NSL1: variants seen among roughly 807,000 people sequenced by gnomAD.
The protein encoded by NSL1 is kinetochore-associated protein NSL1 homolog.
NSL1 carries 11 observed loss-of-function variants against 25.4 expected under a neutral mutation model. That is an observed-to-expected ratio of 0.43 (90% CI 0.27 to 0.72). The LOEUF (loss-of-function observed/expected upper bound fraction) is 0.72, where lower values mean the gene tolerates loss of function less well. Ranked by LOEUF, NSL1 falls within the 30% of genes least tolerant of loss-of-function variation. The pLI, the probability that NSL1 is intolerant of heterozygous loss-of-function variation, is 0.19. For missense variants in NSL1, 330 were observed against 342.7 expected, an observed-to-expected ratio of 0.96 and a Z score of 0.29; for synonymous variants, 118 against 120.6, an observed-to-expected ratio of 0.98 and a Z score of 0.14.
At chr1:212,758,771 A>G (rs1342244900) in intron 4 of NSL1, among the ~76,000 whole-genome samples, 3 of 152,240 alleles carry the variant, frequency 2.0e-5, no homozygotes, top group Non-Finnish European at 4.4e-5. Flanking sequence ...ACAGAAATTG[A>G]CTGACTGATC....
Position 212,738,603 on chromosome 1 carries a change from G to A in NSL1, c.651C>T (p.His217=), listed in dbSNP as rs538096053. Reference sequence around the variant, plus strand: ...TATGACAACTGGAAAAGACTTCTTGGTGAATCCTCTGGAGGTGGATAACAG... The same window carrying A: ...TATGACAACTGGAAAAGACTTCTTGATGAATCCTCTGGAGGTGGATAACAG... ...MQPVIHLQRI[H]QEVFSSCHRK... is the part of the protein sequence containing the mutation. Residue 217 remains histidine (H), a synonymous_variant, in exon 6 of 6, where the codon CAC becomes CAT. Transcript: ENST00000366977. 1 of 1,614,096 alleles carries A rather than the reference G, an allele frequency of 6.2e-7. No homozygotes were observed. The highest frequency in any genetic ancestry group is 1.7e-5 in the Admixed American group (1 of 60,018).
At chr1:212,772,395 C>T (rs1173345143) in intron 4 of NSL1, among the ~76,000 whole-genome samples, 1 of 152,144 alleles carries the variant, frequency 6.6e-6, no homozygotes, top group East Asian at 1.9e-4. Context: ...TACAGTGGCT[C>T]ACACCTGTAA....
At chr1:212,752,581 A>C (rs1659115059) in intron 4 of NSL1, among the ~76,000 whole-genome samples, 1 of 152,220 alleles carries the variant, frequency 6.6e-6, no homozygotes, top group African/African-American at 2.4e-5. Context: ...GCAATATGGA[A>C]GCAATTATTC....
chr1:212,767,456 C>A (rs1385285218), intron 4 of NSL1, among the ~76,000 whole-genome samples: 1 of 152,134 alleles, frequency 6.6e-6, no homozygotes, highest in African/African-American at 2.4e-5. Context: ...AGACCTGAAA[C>A]CATAAAAATT....
At chr1:212,780,228 A>T (rs1422181097) in intron 4 of NSL1, among the ~76,000 whole-genome samples, 2 of 152,016 alleles carry the variant, frequency 1.3e-5, no homozygotes, top group Non-Finnish European at 2.9e-5. Flanking sequence ...TCTCTGAAAC[A>T]TGTGCTGTGT....
chr1:212,788,816 A>G (rs2102408750), intron 1 of NSL1, among the ~76,000 whole-genome samples: 1 of 152,374 alleles, frequency 6.6e-6, no homozygotes, highest in South Asian at 2.1e-4. Context: ...AAGGATGAAG[A>G]CAAGCTCTAC....
In NSL1 at chr1:212,739,460, A is replaced by G. The variant is rs576803846; in HGVS notation, c.567+74T>C. 12 of 1,376,456 alleles carry G rather than the reference A, an allele frequency of 8.7e-6. No homozygotes were observed. In the East Asian group the frequency reaches 2.8e-4, roughly 32 times the overall value. 85.3% of individuals were successfully genotyped at this position (1,376,456 alleles called of 1,614,324 possible). ...TTCCTGTTAGAGCAGACTAAAACAC[A>G]TATGAATGTTGAATGCAAATACCTA... is the stretch of plus-strand genomic sequence containing the variant. On this transcript the variant is annotated intron_variant, in intron 5 of 5. Coordinates refer to ENST00000366977, the MANE Select transcript of NSL1 (RefSeq NM_015471.4).
At chr1:212,746,622 A>G (rs1036243800) in intron 4 of NSL1, among the ~76,000 whole-genome samples, 21 of 152,236 alleles carry the variant, frequency 1.4e-4, no homozygotes, top group Non-Finnish European at 3.1e-4. Context: ...TTCCAACTCT[A>G]TTCTGTCTAT....
At position 212,729,706 on chromosome 1, in the gene NSL1, T is replaced by C; in HGVS notation, c.*8702A>G. On this transcript the variant is annotated 3_prime_UTR_variant, in exon 6 of 6. Transcript: ENST00000366977. ...TGTCAGAGAAGGAAATGAAGCAAGA[T>C]ACCAAGGTCAAATCCTCCTCTCTTT... 1 of 985,440 alleles carries C rather than the reference T, an allele frequency of 1.0e-6. No homozygotes were observed. The highest frequency in any genetic ancestry group is 4.7e-5 in the South Asian group (1 of 21,288). 61.0% of individuals were successfully genotyped at this position (985,440 alleles called of 1,614,324 possible). A position where few individuals can be genotyped will look rare whatever the true frequency, so the allele number is the denominator to read the frequency against.
intron 4 of NSL1, among the ~76,000 whole-genome samples, chr1:212,740,400 T>A (rs1339068692): frequency 6.6e-6 from 1 of 152,054 alleles, no homozygotes; most frequent in African/African-American, 2.4e-5. Context: ...AAAATGGAAA[T>A]GAACCACAAA....
chr1:212,790,749 T>C (rs981265145), intron 1 of NSL1, among the ~76,000 whole-genome samples: 2 of 151,708 alleles, frequency 1.3e-5, no homozygotes, highest in Non-Finnish European at 2.9e-5. Context: ...GGTGAAACCC[T>C]GTCTCTACTA....
chr1:212,765,075 A>G (rs1659744453), intron 4 of NSL1, among the ~76,000 whole-genome samples: 1 of 152,040 alleles, frequency 6.6e-6, no homozygotes, highest in East Asian at 1.9e-4. Flanking sequence ...ACAAGCAGTG[A>G]GACTGAATCA....
chr1:212,731,933 C>G lies in NSL1; in HGVS notation c.*6475G>C. Reference sequence around the variant, plus strand: ...AGCTATAAGGGCCTCCACACCCCACCTTACTGCTTTAACCAATGTCCATCT... The same window carrying G: ...AGCTATAAGGGCCTCCACACCCCACGTTACTGCTTTAACCAATGTCCATCT... On this transcript the variant is annotated 3_prime_UTR_variant, in exon 6 of 6. Transcript: ENST00000366977. The G allele has an allele frequency of 2.0e-6, 2 of 985,438 alleles. No individual in the cohort carries two copies. The highest frequency in any genetic ancestry group is 2.4e-6 in the Non-Finnish European group (2 of 829,928). 61.0% of individuals were successfully genotyped at this position (985,438 alleles called of 1,614,324 possible). A position where few individuals can be genotyped will look rare whatever the true frequency, so the allele number is the denominator to read the frequency against.
In NSL1 at chr1:212,791,528, A is replaced by AC; in HGVS notation, c.234+1dup. The AC allele has an allele frequency of 1.2e-6, 2 of 1,612,522 alleles. No homozygotes were observed. Among genetic ancestry groups the AC allele is most frequent in the Non-Finnish European group, 1.7e-6 (2 of 1,179,230 alleles). On this transcript the variant is annotated splice_donor_variant, in intron 1 of 5. Transcript: ENST00000366977. LOFTEE classifies it high-confidence loss of function. ...TAAAGAACTGGCTAACTGGTCCCGT[A>AC]CCCACTGCGCATCTCGCAGAGCGGG...
chr1:212,780,211 C>T (rs1267997412), intron 4 of NSL1, among the ~76,000 whole-genome samples: 1 of 151,748 alleles, frequency 6.6e-6, no homozygotes, highest in South Asian at 2.1e-4. Flanking sequence ...TACCCCCAAC[C>T]CTGTGCTCTC....
chr1:212,782,094 A>C, intron 4 of NSL1: 1 of 649,366 alleles, frequency 1.5e-6, no homozygotes, highest in Non-Finnish European at 2.9e-6. Flanking sequence ...ATAGGAGGGT[A>C]TTAGAAGTTA....
At chr1:212,779,521 C>G (rs1660588852) in intron 4 of NSL1, among the ~76,000 whole-genome samples, 1 of 116,880 alleles carries the variant, frequency 8.6e-6, no homozygotes, top group African/African-American at 3.5e-5. Flanking sequence ...GGGGTCAGCC[C>G]CCCGCCCAGC....
chr1:212,741,465 T>A (rs1658503964), intron 4 of NSL1, among the ~76,000 whole-genome samples: 1 of 152,186 alleles, frequency 6.6e-6, no homozygotes, highest in African/African-American at 2.4e-5. Flanking sequence ...ATTTCCCCCT[T>A]GGTACTGTGT....
chr1:212,770,501 C>A (rs10127613), intron 4 of NSL1, among the ~76,000 whole-genome samples: 99,273 of 151,722 alleles, frequency 0.65, 32,860 homozygotes, highest in Non-Finnish European at 0.69. Context: ...AACAAAAAAA[C>A]CAGAAAATCT....
Sources: gnomAD v4.1 joint callset for allele counts (sites outside exome capture counted in the v4.1 genomes callset) on GRCh38, gnomAD v4.1.1 for gene constraint, MANE v1.5 for transcripts, NCBI Gene and HGNC (gene_info 2026-07-23, HGNC 2026-07-21) for gene names.